RYR3: variants seen among roughly 807,000 people sequenced by gnomAD.
The protein encoded by RYR3 is ryanodine receptor 3.
Under a neutral mutation model 584.3 loss-of-function variants are expected in RYR3, and 207 were observed. The ratio of observed to expected loss-of-function variants is 0.35; its 90% CI spans 0.32 to 0.40. The LOEUF (loss-of-function observed/expected upper bound fraction) is 0.40. Among genes scored for constraint, RYR3 ranks in the 10% least tolerant of loss-of-function variants. The pLI, the probability that RYR3 is intolerant of heterozygous loss-of-function variation, is 1.00. For synonymous variants in RYR3, 2,416 were observed against 2,248.5 expected (o/e 1.07, Z -2.11); for missense variants, 5,616 against 6,089.2 (o/e 0.92, Z 2.59).
At chr15:33,597,233 G>A (rs1280001321) in intron 16 of RYR3, among the ~76,000 whole-genome samples, 2 of 152,154 alleles carry the variant, frequency 1.3e-5, no homozygotes, top group African/African-American at 4.8e-5. Flanking sequence ...ATTGCTTGAT[G>A]AATAAATGCA....
At chr15:33,765,021 A>T in intron 60 of RYR3, among the ~76,000 whole-genome samples, 1 of 90,632 alleles carries the variant, frequency 1.1e-5, no homozygotes, top group Non-Finnish European at 2.0e-5. Flanking sequence ...ACAGAGCAAG[A>T]CTTCGTCTCA....
At chr15:33,676,226 G>A (rs906176586) in intron 38 of RYR3, among the ~76,000 whole-genome samples, 8 of 123,926 alleles carry the variant, frequency 6.5e-5, no homozygotes, top group African/African-American at 1.3e-4. Context: ...ACAAATGTAC[G>A]CTGCCTCTAG....
chr15:33,858,251 C>G (rs748921132), intron 99 of RYR3: 55 of 234,672 alleles, frequency 2.3e-4, no homozygotes, highest in Non-Finnish European at 3.6e-4. Flanking sequence ...GTCGCCCAGG[C>G]TGGAGTGCAA....
chr15:33,687,992 C>T (rs185887052), intron 38 of RYR3, among the ~76,000 whole-genome samples: 42 of 152,256 alleles, frequency 2.8e-4, no homozygotes, highest in East Asian at 5.8e-4. Flanking sequence ...CCATTCAGGA[C>T]GTAAGCATGG....
intron 70 of RYR3, among the ~76,000 whole-genome samples, chr15:33,809,137 T>C (rs992316252): frequency 7.2e-5 from 11 of 152,302 alleles, no homozygotes; most frequent in Middle Eastern, 3.4e-3. Flanking sequence ...CTGACCCTAC[T>C]CTTCTCTTCC....
Position 33,636,412 on chromosome 15 carries a change from C to A in RYR3, c.3418C>A (p.Arg1140Ser), listed in dbSNP as rs748509983. Residue 1140 changes from arginine to serine, a missense_variant, in exon 27 of 104, where the codon CGT becomes AGT. Transcript: ENST00000634891. ...GCATCAAGGAAGTGGGTATTTTGGG[C>A]GTACCTGGCAGCCAGGGGATGTGGT... ...RWHQGSGYFG[R>S]TWQPGDVVGC... The A allele has an allele frequency of 4.3e-6, 7 of 1,613,816 alleles. No individual in the cohort carries two copies. Among genetic ancestry groups the A allele is most frequent in the South Asian group, 1.1e-5 (1 of 91,062 alleles).
intron 58 of RYR3, 115 bp downstream of exon 58, chr15:33,755,295 C>A: frequency 2.8e-6 from 2 of 706,220 alleles, no homozygotes; most frequent in Admixed American, 2.6e-5. Context: ...AGGGGGAAAA[C>A]AGTGGCTGAA....
intron 18 of RYR3, among the ~76,000 whole-genome samples, chr15:33,607,048 C>T (rs1471218803): frequency 1.3e-5 from 2 of 152,224 alleles, no homozygotes; most frequent in Non-Finnish European, 2.9e-5. Flanking sequence ...ACACAGCCCA[C>T]TGTGACTCAG....
rs149952904 is a variant in RYR3 at position 33,435,602 on chromosome 15, G to A, written c.52-37817G>A. On this transcript the variant is annotated intron_variant, in intron 1 of 103. Transcript: ENST00000634891. ...TGCCTCTTCCTCCATATTGTGTCTC[G>A]CATTTATTCCTTCTCATGGGTTCTT... Among the ~76,000 whole-genome samples, 16 of 152,198 alleles carry A rather than the reference G, an allele frequency of 1.1e-4. No individual in the cohort carries two copies. In the South Asian group the frequency reaches 2.1e-3, roughly 20 times the overall value.
At chr15:33,646,242 T>G in intron 28 of RYR3, 109 bp from the exon 29 acceptor site, 1 of 910,404 alleles carries the variant, frequency 1.1e-6, no homozygotes, top group Non-Finnish European at 1.7e-6. Context: ...ACAACTTACT[T>G]CTGTAGTTCA....
intron 1 of RYR3, among the ~76,000 whole-genome samples, chr15:33,324,844 C>A (rs922075666): frequency 6.6e-6 from 1 of 152,130 alleles, no homozygotes; most frequent in African/African-American, 2.4e-5. Flanking sequence ...AAAACCCAAC[C>A]GCATTATGGA....
At chr15:33,847,875 A>G (rs781465882) in intron 93 of RYR3, among the ~76,000 whole-genome samples, 7 of 152,168 alleles carry the variant, frequency 4.6e-5, no homozygotes, top group Non-Finnish European at 8.8e-5. Context: ...GGGAGTTGGA[A>G]CATTTCATCA....
intron 10 of RYR3, among the ~76,000 whole-genome samples, chr15:33,555,187 T>G (rs1468965678): frequency 6.6e-6 from 1 of 152,232 alleles, no homozygotes; most frequent in Non-Finnish European, 1.5e-5. Context: ...ACGTTTCACA[T>G]GCCCTTTAAC....
At chr15:33,369,165 C>A (rs1364931735) in intron 1 of RYR3, among the ~76,000 whole-genome samples, 3 of 152,212 alleles carry the variant, frequency 2.0e-5, no homozygotes, top group African/African-American at 7.2e-5. Flanking sequence ...AAAAAGTGGT[C>A]ATTTGCCAAA....
chr15:33,544,826 T>G (rs2056115693), intron 8 of RYR3, among the ~76,000 whole-genome samples: 1 of 152,084 alleles, frequency 6.6e-6, no homozygotes, highest in African/African-American at 2.4e-5. Flanking sequence ...AGTGCTGTGC[T>G]TAATTCACTT....
chr15:33,756,500 C>G, intron 59 of RYR3, 127 bp downstream of exon 59: 1 of 736,354 alleles, frequency 1.4e-6, no homozygotes, highest in Middle Eastern at 2.9e-4. Context: ...ATGTATATTT[C>G]TCTGTCGTGT....
At chr15:33,383,584 C>T (rs1450625788) in intron 1 of RYR3, among the ~76,000 whole-genome samples, 2 of 151,868 alleles carry the variant, frequency 1.3e-5, no homozygotes, top group Admixed American at 1.3e-4. Flanking sequence ...TGTACATTTG[C>T]AGGGTTGTTG....
intron 2 of RYR3, among the ~76,000 whole-genome samples, chr15:33,476,489 C>T (rs1032807159): frequency 1.3e-5 from 2 of 152,204 alleles, no homozygotes; most frequent in Non-Finnish European, 2.9e-5. Flanking sequence ...CCTTTGCCCA[C>T]GTGTACCTGT....
chr15:33,770,785 A>G (rs2073506798), intron 62 of RYR3, among the ~76,000 whole-genome samples: 1 of 152,190 alleles, frequency 6.6e-6, no homozygotes, highest in Non-Finnish European at 1.5e-5. Context: ...GGATAAGAAC[A>G]AGCCTAACTG....
Sources: allele counts gnomAD v4.1 joint callset (sites outside exome capture counted in the v4.1 genomes callset), GRCh38; gene constraint gnomAD v4.1.1; transcripts MANE v1.5; gene names NCBI Gene and HGNC (gene_info 2026-07-23, HGNC 2026-07-21).